The following RBM19 variants were observed in gnomAD, a reference collection of about 807,000 sequenced individuals.
RBM19 encodes the protein probable RNA-binding protein 19.
In RBM19, 94 loss-of-function variants were observed where a neutral mutation model predicts 116.8. The observed-to-expected ratio is 0.80, with a 90% CI of 0.68 to 0.95. RBM19 has a LOEUF of 0.95. RBM19 is among the 40% of genes least tolerant of loss of function. The probability of loss-of-function intolerance (pLI) is 0.00; values close to 1 mark genes in which losing one functional copy is unlikely to be tolerated. For missense variants in RBM19, 1,161 were observed against 1,220.7 expected (o/e 0.95, Z 0.73); for synonymous variants, 475 against 494.1 (o/e 0.96, Z 0.51).
chr12:113,872,040 G>A (rs1404046125), intron 21 of RBM19, among the ~76,000 whole-genome samples: 1 of 147,028 alleles, frequency 6.8e-6, no homozygotes, highest in African/African-American at 2.5e-5. Flanking sequence ...GGAAAGTGAG[G>A]AGCGTCTCCG....
rs1882914627 is a variant in RBM19 at position 113,918,452 on chromosome 12, G to C, written c.2386-5C>G. 6.2e-7 allele frequency: 1 copy of C among 1,614,166 alleles called. No individual in the cohort carries two copies. The highest frequency in any genetic ancestry group is 8.5e-7 in the Non-Finnish European group (1 of 1,180,004). On this transcript the variant is annotated splice_polypyrimidine_tract_variant and splice_region_variant and intron_variant, in intron 19 of 23. Transcript: ENST00000261741. Reference sequence around the variant, plus strand: ...GTGGCCGTCCACGACGTGACCCTAAGAGAGAAGACAACATGGCTCATCTCT... The same window carrying C: ...GTGGCCGTCCACGACGTGACCCTAACAGAGAAGACAACATGGCTCATCTCT...
At chr12:113,862,256 G>A (rs535217284) in intron 21 of RBM19, among the ~76,000 whole-genome samples, 2 of 152,296 alleles carry the variant, frequency 1.3e-5, no homozygotes, top group South Asian at 2.1e-4. Flanking sequence ...ACCAAGGGAC[G>A]GAGAAGAAAA....
Position 113,966,149 on chromosome 12 carries a change from G to C in RBM19, c.36+43C>G, listed in dbSNP as rs1456023130. On this transcript the variant is annotated intron_variant, in intron 1 of 23. Coordinates refer to ENST00000261741, the MANE Select transcript of RBM19 (RefSeq NM_016196.4). ...TCTCTTCCCTACCTCACAGCTCCCGGCTGGTCTCATTTCAGATTCCCAAGT... is the reference window on the plus strand; with the variant it reads ...TCTCTTCCCTACCTCACAGCTCCCGCCTGGTCTCATTTCAGATTCCCAAGT... The C allele has an allele frequency of 2.5e-6, 4 of 1,613,120 alleles. No homozygotes were observed. In the African/African-American group the frequency reaches 4.0e-5, roughly 16 times the overall value.
At chr12:113,955,251 C>A (rs1266634557) in intron 6 of RBM19, 40 bp from the exon 7 acceptor site, 1 of 1,583,218 alleles carries the variant, frequency 6.3e-7, no homozygotes, top group Non-Finnish European at 8.7e-7. Context: ...GCCACACTAA[C>A]CCTTCGTACA....
intron 22 of RBM19, among the ~76,000 whole-genome samples, chr12:113,845,235 C>T: frequency 6.6e-6 from 1 of 152,280 alleles, no homozygotes; most frequent in Non-Finnish European, 1.5e-5. Context: ...CCTGGTGACT[C>T]TGTCCCCCAC....
intron 23 of RBM19, among the ~76,000 whole-genome samples, chr12:113,832,439 C>G (rs1350680900): frequency 2.6e-5 from 4 of 152,212 alleles, no homozygotes; most frequent in East Asian, 3.9e-4. Flanking sequence ...ATCCACCCAC[C>G]TTGGCCTCCC....
intron 23 of RBM19, among the ~76,000 whole-genome samples, chr12:113,832,644 G>A (rs1236924136): frequency 6.6e-6 from 1 of 152,180 alleles, no homozygotes; most frequent in African/African-American, 2.4e-5. Flanking sequence ...ACCTCTGGAG[G>A]AAGGGCTGCT....
At chr12:113,936,799 C>G in intron 16 of RBM19, 2 of 564,958 alleles carry the variant, frequency 3.5e-6, no homozygotes, top group Non-Finnish European at 5.7e-6. Context: ...CTTTAATTGA[C>G]AAACTAAAAG....
At chr12:113,948,692 T>C in intron 10 of RBM19, 141 bp downstream of exon 10, 2 of 792,016 alleles carry the variant, frequency 2.5e-6, no homozygotes, top group Non-Finnish European at 2.0e-6. Context: ...CAGGGGTACT[T>C]GGTCCCATTT....
chr12:113,912,134 C>A (rs1882466621), intron 21 of RBM19, among the ~76,000 whole-genome samples: 1 of 152,208 alleles, frequency 6.6e-6, no homozygotes, highest in African/African-American at 2.4e-5. Flanking sequence ...GGCTGGTGGC[C>A]TCCGGGAAGG....
intron 13 of RBM19, among the ~76,000 whole-genome samples, chr12:113,944,830 T>C (rs6489929): frequency 0.29 from 41,684 of 146,106 alleles, 5,975 homozygotes; most frequent in Middle Eastern, 0.43. Flanking sequence ...TGTGTATATA[T>C]GTATATGAAT....
At chr12:113,841,137 C>A (rs989899134) in intron 23 of RBM19, among the ~76,000 whole-genome samples, 22 of 152,234 alleles carry the variant, frequency 1.4e-4, no homozygotes, top group Admixed American at 1.4e-3. Flanking sequence ...CTCAAGCCCG[C>A]CCTGAGGGGC....
chr12:113,963,065 G>A (rs1330446799), intron 1 of RBM19, among the ~76,000 whole-genome samples: 2 of 152,174 alleles, frequency 1.3e-5, no homozygotes, highest in East Asian at 3.9e-4. Context: ...AAGGAAGGCA[G>A]GTGCTTCTAG....
Position 113,884,120 on chromosome 12 carries a change from A to AAAAAAAAC in RBM19, c.2559-25232_2559-25225dup, listed in dbSNP as rs1555235357. ...GGATACTCCATCTCTACCAAAAAAA[A>AAAAAAAAC]AAAAAAACAAAAAACTCGCCAGGCA... On this transcript the variant is annotated intron_variant, in intron 21 of 23. Transcript: ENST00000261741. Among the ~76,000 whole-genome samples the AAAAAAAAC allele has an allele frequency of 2.3e-4, 33 of 145,820 alleles. 2 individuals carry two copies. The highest frequency in any genetic ancestry group is 2.9e-4 in the Non-Finnish European group (19 of 66,560).
Position 113,823,118 on chromosome 12 carries a change from G to A in RBM19, c.*106C>T. The A allele has an allele frequency of 9.5e-7, 1 of 1,051,814 alleles. No homozygotes were observed. Among genetic ancestry groups the A allele is most frequent in the Non-Finnish European group, 1.4e-6 (1 of 724,502 alleles). 65.2% of individuals were successfully genotyped at this position (1,051,814 alleles called of 1,614,324 possible). ...GGACCAGTGCAGGGTGGGGCCGCCT[G>A]CCGCTCCCCGCCCCGCCCCCCAGCC... On this transcript the variant is annotated 3_prime_UTR_variant, in exon 24 of 24. Coordinates refer to ENST00000261741, the MANE Select transcript of RBM19 (RefSeq NM_016196.4).
intron 5 of RBM19, 150 bp downstream of exon 5, chr12:113,959,062 G>T: frequency 1.4e-6 from 1 of 726,020 alleles, no homozygotes; most frequent in Non-Finnish European, 2.2e-6. Flanking sequence ...AGTGAAGACA[G>T]ATGCACCTGC....
At chr12:113,927,264 A>T (rs1869171624) in intron 16 of RBM19, 35 bp from the exon 17 acceptor site, 1 of 1,537,326 alleles carries the variant, frequency 6.5e-7, no homozygotes, top group Admixed American at 2.0e-5. Context: ...AAAAACAAAA[A>T]CATCAAATCC....
chr12:113,833,915 T>G (rs4767140), intron 23 of RBM19, among the ~76,000 whole-genome samples: 138,107 of 151,916 alleles, frequency 0.91, 62,837 homozygotes, highest in East Asian at 0.99. Flanking sequence ...GGCTAATTTT[T>G]AAAGTTTTTT....
intron 21 of RBM19, among the ~76,000 whole-genome samples, chr12:113,880,476 G>A (rs1880029564): frequency 6.6e-6 from 1 of 152,206 alleles, no homozygotes; most frequent in South Asian, 2.1e-4. Context: ...CTTGTTCTGT[G>A]AGCCTTGTCG....
Sources: gnomAD v4.1 joint callset for allele counts (sites outside exome capture counted in the v4.1 genomes callset) on GRCh38, gnomAD v4.1.1 for gene constraint, MANE v1.5 for transcripts, NCBI Gene and HGNC (gene_info 2026-07-23, HGNC 2026-07-21) for gene names.